Variants in SMYD3 observed in about 807,000 individuals in gnomAD.
SMYD3 encodes the protein SET and MYND domain containing 3.
In SMYD3, 36 loss-of-function variants were observed where a neutral mutation model predicts 57.7. That is an observed-to-expected ratio of 0.62 (90% CI 0.48 to 0.82). The LOEUF (loss-of-function observed/expected upper bound fraction) is 0.82, where lower values mean the gene tolerates loss of function less well. Ranked by LOEUF, SMYD3 falls within the 40% of genes least tolerant of loss-of-function variation. The probability of loss-of-function intolerance (pLI) is 0.00; values close to 1 mark genes in which losing one functional copy is unlikely to be tolerated. For synonymous variants in SMYD3, 211 were observed against 195.0 expected, an observed-to-expected ratio of 1.08 and a Z score of -0.68; for missense variants, 515 against 538.8, an observed-to-expected ratio of 0.96 and a Z score of 0.44.
intron 3 of SMYD3, among the ~76,000 whole-genome samples, chr1:246,331,791 C>T (rs1378796450): frequency 6.6e-6 from 1 of 152,216 alleles, no homozygotes; most frequent in Non-Finnish European, 1.5e-5. Flanking sequence ...CTATGTGTGA[C>T]ATTTTGGAAT....
At chr1:246,344,965 G>C (rs2065688831) in intron 2 of SMYD3, among the ~76,000 whole-genome samples, 1 of 152,162 alleles carries the variant, frequency 6.6e-6, no homozygotes, top group South Asian at 2.1e-4. Flanking sequence ...GGGTGAGAGA[G>C]AGAGAAGGAG....
intron 10 of SMYD3, among the ~76,000 whole-genome samples, chr1:245,852,394 C>T (rs1404168055): frequency 1.3e-5 from 2 of 152,218 alleles, no homozygotes; most frequent in Non-Finnish European, 1.5e-5. Flanking sequence ...GTACAGGTGG[C>T]ATCTCAAGCA....
intron 5 of SMYD3, among the ~76,000 whole-genome samples, chr1:246,008,539 T>A (rs905498835): frequency 4.6e-5 from 7 of 152,192 alleles, no homozygotes; most frequent in Non-Finnish European, 1.0e-4. Context: ...GCTGTAAGAA[T>A]GCCATGACTA....
intron 5 of SMYD3, among the ~76,000 whole-genome samples, chr1:246,105,414 G>T (rs891766325): frequency 6.6e-6 from 1 of 152,066 alleles, no homozygotes; most frequent in African/African-American, 2.4e-5. Flanking sequence ...CAATGTTATT[G>T]TACAGACTCT....
At chr1:246,041,582 A>G (rs932760140) in intron 5 of SMYD3, among the ~76,000 whole-genome samples, 3 of 152,176 alleles carry the variant, frequency 2.0e-5, no homozygotes, top group Non-Finnish European at 4.4e-5. Flanking sequence ...TATGCACACG[A>G]TAAGTCCAAG....
intron 1 of SMYD3, among the ~76,000 whole-genome samples, chr1:246,414,288 T>C (rs889195806): frequency 1.3e-5 from 2 of 152,036 alleles, no homozygotes; most frequent in Admixed American, 6.6e-5. Flanking sequence ...TTAGAGGAAA[T>C]CAAAAGAGTC....
chr1:246,243,946 A>C (rs766506665), intron 5 of SMYD3, among the ~76,000 whole-genome samples: 10 of 117,580 alleles, frequency 8.5e-5, no homozygotes, highest in Non-Finnish European at 1.4e-4. Flanking sequence ...ATGGTGGCAA[A>C]TGTCTATAGT....
rs182301162 is a variant in SMYD3, at chr1:245,957,040, T to C, written c.532-27103A>G. ...ATCAGGCTAACACTGCCAGTGAAGA[T>C]GCAATGTAAGACAAATTATACCAAA... On this transcript the variant is annotated intron_variant, in intron 5 of 11. Transcript: ENST00000490107. 4.6e-5 allele frequency among the ~76,000 whole-genome samples: 7 copies of C among 152,312 alleles called. No homozygotes were observed. In the South Asian group the frequency reaches 1.5e-3, roughly 32 times the overall value.
intron 5 of SMYD3, among the ~76,000 whole-genome samples, chr1:246,002,607 C>T (rs565671300): frequency 7.6e-6 from 1 of 131,564 alleles, no homozygotes. Context: ...CGCCCGCCAC[C>T]ACGCCCGGCT....
chr1:246,292,002 CT>C (rs1329907324), intron 5 of SMYD3, among the ~76,000 whole-genome samples: 1 of 151,984 alleles, frequency 6.6e-6, no homozygotes, highest in East Asian at 1.9e-4. Context: ...GCATCTTAGA[CT>C]TACTATCCAA....
intron 5 of SMYD3, among the ~76,000 whole-genome samples, chr1:246,000,645 T>C (rs2059022403): frequency 1.3e-5 from 2 of 152,188 alleles, no homozygotes; most frequent in African/African-American, 4.8e-5. Context: ...TGATGACCTT[T>C]TATTTTGCAT....
chr1:246,270,323 TA>T (rs1445953980), intron 5 of SMYD3, among the ~76,000 whole-genome samples: 4 of 152,324 alleles, frequency 2.6e-5, no homozygotes, highest in South Asian at 2.1e-4. Context: ...AAAATATGCA[TA>T]AAAAATTTAC....
At chr1:246,166,160 G>A (rs1327537705) in intron 5 of SMYD3, among the ~76,000 whole-genome samples, 1 of 152,080 alleles carries the variant, frequency 6.6e-6, no homozygotes, top group Non-Finnish European at 1.5e-5. Flanking sequence ...AGGATTTAGT[G>A]CAGTGTATGT....
In SMYD3 at chr1:246,485,849, A is replaced by G. The variant is rs374017797; in HGVS notation, c.164+21205T>C. Among the ~76,000 whole-genome samples the G allele has an allele frequency of 5.3e-5, 8 of 152,314 alleles. No homozygotes were observed. In the South Asian group the frequency reaches 1.7e-3, roughly 32 times the overall value. On this transcript the variant is annotated intron_variant, in intron 1 of 11. Coordinates refer to ENST00000490107, the MANE Select transcript of SMYD3 (RefSeq NM_001167740.2). ...GCTCTGAGTGCAGACAGAATTAGCTACATAATTTGAGCAAGATATAACTTC... is the reference window on the plus strand; with the variant it reads ...GCTCTGAGTGCAGACAGAATTAGCTGCATAATTTGAGCAAGATATAACTTC...
At chr1:246,091,218 T>C (rs2060817946) in intron 5 of SMYD3, among the ~76,000 whole-genome samples, 2 of 152,156 alleles carry the variant, frequency 1.3e-5, no homozygotes. Context: ...CTTCCTTTCA[T>C]GAAGGACTTA....
intron 5 of SMYD3, among the ~76,000 whole-genome samples, chr1:245,995,481 T>C (rs1444312221): frequency 6.6e-6 from 1 of 152,248 alleles, no homozygotes; most frequent in Non-Finnish European, 1.5e-5. Flanking sequence ...TTGGTAAATA[T>C]TTACAGATGA....
In SMYD3 at chr1:246,418,349, G is replaced by A. The variant is rs1201454259; in HGVS notation, c.165-63255C>T. Among the ~76,000 whole-genome samples the A allele has an allele frequency of 2.0e-5, 3 of 152,138 alleles. 1 individual carries two copies. Among genetic ancestry groups the A allele is most frequent in the Non-Finnish European group, 2.9e-5 (2 of 68,026 alleles). ...AGAGGGAGTGGCTTGCTTCTTCAGC[G>A]CCCTGCTGCTCAAACCTCTAGGGGG... On this transcript the variant is annotated intron_variant, in intron 1 of 11. Coordinates refer to ENST00000490107, the MANE Select transcript of SMYD3 (RefSeq NM_001167740.2).
intron 5 of SMYD3, among the ~76,000 whole-genome samples, chr1:246,242,515 G>A (rs9701979): frequency 0.21 from 31,534 of 151,864 alleles, 3,987 homozygotes; most frequent in East Asian, 0.58. Context: ...TGAGACCATC[G>A]ATGCTAGGAA....
At chr1:245,850,926 A>G (rs1388436211) in intron 10 of SMYD3, among the ~76,000 whole-genome samples, 4 of 152,072 alleles carry the variant, frequency 2.6e-5, no homozygotes, top group Non-Finnish European at 4.4e-5. Flanking sequence ...GCTTCTGGGT[A>G]CCCTTCCAGC....
Sources: allele counts gnomAD v4.1 joint callset (sites outside exome capture counted in the v4.1 genomes callset), GRCh38; gene constraint gnomAD v4.1.1; transcripts MANE v1.5; gene names NCBI Gene and HGNC (gene_info 2026-07-23, HGNC 2026-07-21).